Variants in LRBA observed in about 807,000 individuals in gnomAD.
LRBA encodes lipopolysaccharide-responsive and beige-like anchor protein.
LRBA carries 176 observed loss-of-function variants against 330.0 expected under a neutral mutation model. The observed-to-expected ratio is 0.53, with a 90% confidence interval of 0.47 to 0.60. LRBA has a LOEUF of 0.60. Among genes scored for constraint, LRBA ranks in the 20% least tolerant of loss-of-function variants. The probability of loss-of-function intolerance (pLI) is 0.00; values close to 1 mark genes in which losing one functional copy is unlikely to be tolerated. For synonymous variants in LRBA, 1,230 were observed against 1,193.0 expected, an observed-to-expected ratio of 1.03 and a Z score of -0.64; for missense variants, 3,259 against 3,444.8, an observed-to-expected ratio of 0.95 and a Z score of 1.35.
intron 40 of LRBA, among the ~76,000 whole-genome samples, chr4:150,556,016 T>C (rs1175127654): frequency 6.6e-6 from 1 of 151,998 alleles, no homozygotes; most frequent in East Asian, 1.9e-4. Context: ...TTGTCTGGGA[T>C]GGTCACTAAT....
chr4:150,788,084 T>C (rs1322612883), intron 34 of LRBA, among the ~76,000 whole-genome samples: 1 of 152,040 alleles, frequency 6.6e-6, no homozygotes, highest in African/African-American at 2.4e-5. Context: ...CTTTTTGTTG[T>C]TGTTTTGAGA....
At chr4:150,832,466 C>T (rs763857632) in intron 28 of LRBA, among the ~76,000 whole-genome samples, 7 of 152,040 alleles carry the variant, frequency 4.6e-5, no homozygotes, top group African/African-American at 1.2e-4. Flanking sequence ...TGTGGTGGCA[C>T]ATGCCTGTAA....
At chr4:150,634,338 T>C (rs1391980052) in intron 37 of LRBA, among the ~76,000 whole-genome samples, 1 of 152,222 alleles carries the variant, frequency 6.6e-6, no homozygotes, top group Non-Finnish European at 1.5e-5. Flanking sequence ...ATGAAATCTA[T>C]GTAAACTGGG....
At position 150,732,247 on chromosome 4, in the gene LRBA, T is replaced by C. The variant is rs192290770; in HGVS notation, c.5754+3011A>G. Among the ~76,000 whole-genome samples, 6 of 152,224 alleles carry C rather than the reference T, an allele frequency of 3.9e-5. No homozygotes were observed. The East Asian group carries it at 1.2e-3, about 29-fold the overall frequency. ...CAATACTGCAATAAATAGCCATGTA[T>C]ACCTATCTTTAAATACTATTATTTT... On this transcript the variant is annotated intron_variant, in intron 36 of 56. Transcript: ENST00000651943.
chr4:150,298,379 A>C lies in LRBA; in HGVS notation c.8017+4246T>G, dbSNP rs184718202. Among the ~76,000 whole-genome samples the C allele has an allele frequency of 1.4e-4, 21 of 152,272 alleles. No individual in the cohort carries two copies. In the East Asian group the frequency reaches 4.0e-3, roughly 29 times the overall value. On this transcript the variant is annotated intron_variant, in intron 53 of 56. Coordinates refer to ENST00000651943, the MANE Select transcript of LRBA (RefSeq NM_001364905.1). ...AGATCATTCTAAATTCATTAAAAAA[A>C]ATTTAGAATGCCTTAAAGTTAGAAT...
At chr4:150,785,655 A>G (rs553541088) in intron 34 of LRBA, among the ~76,000 whole-genome samples, 76 of 152,320 alleles carry the variant, frequency 5.0e-4, no homozygotes, top group Non-Finnish European at 8.5e-4. Flanking sequence ...TTCAAATTCT[A>G]CTAGGACTCA....
chr4:150,293,214 T>C (rs931212339), intron 53 of LRBA, among the ~76,000 whole-genome samples: 58 of 152,334 alleles, frequency 3.8e-4, no homozygotes, highest in African/African-American at 1.3e-3. Context: ...AAAACATTCA[T>C]GTGAAAACTG....
At chr4:150,346,767 A>C (rs1414328670) in intron 48 of LRBA, among the ~76,000 whole-genome samples, 2 of 101,456 alleles carry the variant, frequency 2.0e-5, no homozygotes, top group African/African-American at 5.6e-5. Flanking sequence ...CAAAAAAAAA[A>C]AAAAAAAAAA....
At chr4:150,941,222 G>T (rs924075632) in intron 2 of LRBA, among the ~76,000 whole-genome samples, 1 of 151,842 alleles carries the variant, frequency 6.6e-6, no homozygotes, top group Non-Finnish European at 1.5e-5. Flanking sequence ...CAGCAGCATC[G>T]GCTTACTGCA....
intron 13 of LRBA, among the ~76,000 whole-genome samples, chr4:150,904,199 G>C (rs1031665581): frequency 2.6e-5 from 4 of 152,126 alleles, no homozygotes; most frequent in Non-Finnish European, 4.4e-5. Context: ...TATGACCACT[G>C]ATCTATAAAT....
chr4:150,994,459 A>G (rs1742426947), intron 2 of LRBA, among the ~76,000 whole-genome samples: 1 of 152,262 alleles, frequency 6.6e-6, no homozygotes, highest in Non-Finnish European at 1.5e-5. Context: ...CACCTACTAC[A>G]TGTTAGGTAC....
At chr4:150,858,709 G>C (rs1233595637) in intron 22 of LRBA, among the ~76,000 whole-genome samples, 1 of 152,068 alleles carries the variant, frequency 6.6e-6, no homozygotes. Context: ...TGTATTTTTA[G>C]TAGAGACAGG....
intron 47 of LRBA, among the ~76,000 whole-genome samples, chr4:150,397,796 A>G (rs917187316): frequency 1.2e-4 from 18 of 152,196 alleles, no homozygotes; most frequent in African/African-American, 4.1e-4. Context: ...TCTAATCTAC[A>G]GGTTGAGAGT....
chr4:150,289,502 A>C (rs949043330), intron 53 of LRBA, among the ~76,000 whole-genome samples: 2 of 152,204 alleles, frequency 1.3e-5, no homozygotes, highest in African/African-American at 4.8e-5. Flanking sequence ...TAGACTTATG[A>C]TCATTAGGTT....
intron 13 of LRBA, among the ~76,000 whole-genome samples, chr4:150,904,004 A>C (rs1225766622): frequency 6.6e-6 from 1 of 152,204 alleles, no homozygotes; most frequent in Non-Finnish European, 1.5e-5. Context: ...CATGGTAGAC[A>C]AGAAAATTCA....
At chr4:150,615,596 A>G (rs1258120825) in intron 37 of LRBA, among the ~76,000 whole-genome samples, 2 of 152,144 alleles carry the variant, frequency 1.3e-5, no homozygotes, top group Non-Finnish European at 2.9e-5. Flanking sequence ...AAATAAAAGA[A>G]CTGACCCTGA....
chr4:151,004,892 C>G (rs1041217467), intron 2 of LRBA, among the ~76,000 whole-genome samples: 3 of 152,000 alleles, frequency 2.0e-5, no homozygotes, highest in Non-Finnish European at 4.4e-5. Flanking sequence ...GAGGCTGAAA[C>G]AGGAGAATCA....
chr4:150,809,910 GATACGATACGAT>G (rs1560850285), intron 31 of LRBA, among the ~76,000 whole-genome samples: 15 of 139,038 alleles, frequency 1.1e-4, no homozygotes, highest in African/African-American at 4.0e-4. Context: ...GATACGATAC[GATACGATACGAT>G]ACGATACGAT....
At chr4:150,615,805 T>C (rs1422431833) in intron 37 of LRBA, among the ~76,000 whole-genome samples, 1 of 152,014 alleles carries the variant, frequency 6.6e-6, no homozygotes, top group Non-Finnish European at 1.5e-5. Context: ...TATGGCAATA[T>C]GACTGAGTTG....
Sources: allele counts gnomAD v4.1 joint callset (sites outside exome capture counted in the v4.1 genomes callset), GRCh38; gene constraint gnomAD v4.1.1; transcripts MANE v1.5; gene names NCBI Gene and HGNC (gene_info 2026-07-23, HGNC 2026-07-21).